Variants in SWAP70 observed in about 807,000 individuals in gnomAD.
The protein encoded by SWAP70 is switch-associated protein 70.
Under a neutral mutation model 80.2 loss-of-function variants are expected in SWAP70, and 34 were observed. That is an observed-to-expected ratio of 0.42 (90% confidence interval 0.32 to 0.56). SWAP70 has a LOEUF of 0.56. SWAP70 is among the 20% of genes least tolerant of loss of function. The pLI, the probability that SWAP70 is intolerant of heterozygous loss-of-function variation, is 0.09. For synonymous variants in SWAP70, 239 were observed against 238.5 expected (o/e 1.00, Z -0.02); for missense variants, 578 against 690.7 (o/e 0.84, Z 1.83).
chr11:9,700,900 G>A (rs953862261), intron 2 of SWAP70, among the ~76,000 whole-genome samples: 39 of 151,862 alleles, frequency 2.6e-4, no homozygotes, highest in African/African-American at 7.7e-4. Context: ...ATTAGTGTAT[G>A]GTGTTCCTTA....
At chr11:9,690,692 G>A (rs190439083) in intron 1 of SWAP70, among the ~76,000 whole-genome samples, 292 of 152,030 alleles carry the variant, frequency 1.9e-3, no homozygotes, top group Non-Finnish European at 3.6e-3. Context: ...TTTGAGACCC[G>A]CCTGGGCACA....
At chr11:9,725,548 TA>T (rs1851202904) in intron 4 of SWAP70, among the ~76,000 whole-genome samples, 2 of 9,816 alleles carry the variant, frequency 2.0e-4, no homozygotes, top group African/African-American at 6.2e-4. Flanking sequence ...TATATATATA[TA>T]TATATATATA....
At chr11:9,740,121 G>C in intron 8 of SWAP70, 60 bp from the exon 9 acceptor site, 1 of 1,537,816 alleles carries the variant, frequency 6.5e-7, no homozygotes, top group South Asian at 1.2e-5. Flanking sequence ...AGGTGGAGGT[G>C]AGGCTTTCCC....
intron 1 of SWAP70, among the ~76,000 whole-genome samples, chr11:9,683,961 G>C (rs1266533282): frequency 6.6e-6 from 1 of 151,948 alleles, no homozygotes; most frequent in Non-Finnish European, 1.5e-5. Context: ...TGAGAAGGTG[G>C]GGCAGCCGAG....
At chr11:9,728,805 G>A (rs1371763974) in intron 5 of SWAP70, among the ~76,000 whole-genome samples, 2 of 152,256 alleles carry the variant, frequency 1.3e-5, no homozygotes, top group South Asian at 2.1e-4. Context: ...GAATAATAAT[G>A]TCTTGAGATG....
At chr11:9,707,481 A>G (rs11042480) in intron 2 of SWAP70, among the ~76,000 whole-genome samples, 49,870 of 150,948 alleles carry the variant, frequency 0.33, 8,463 homozygotes, top group Non-Finnish European at 0.36. Context: ...ATTGTCACCT[A>G]TGAGAGCATT....
chr11:9,743,740 T>C (rs1370364979), intron 9 of SWAP70, among the ~76,000 whole-genome samples: 1 of 152,110 alleles, frequency 6.6e-6, no homozygotes, highest in Non-Finnish European at 1.5e-5. Context: ...CACTTTTTGA[T>C]GGGGTTGTTT....
chr11:9,726,091 C>T (rs2645008), intron 4 of SWAP70, among the ~76,000 whole-genome samples: 49,721 of 151,768 alleles, frequency 0.33, 8,360 homozygotes, highest in Non-Finnish European at 0.35. Context: ...TTTTTTTCTT[C>T]TTTATTCCTT....
chr11:9,733,877 A>G (rs1179502228), intron 7 of SWAP70, among the ~76,000 whole-genome samples: 1 of 152,224 alleles, frequency 6.6e-6, no homozygotes, highest in East Asian at 1.9e-4. Flanking sequence ...AGAGGAGAAT[A>G]TGAAATATGT....
chr11:9,668,695 A>G (rs1850338095), intron 1 of SWAP70, among the ~76,000 whole-genome samples: 1 of 152,200 alleles, frequency 6.6e-6, no homozygotes. Context: ...GAAATGTCAA[A>G]TAATTGATTT....
intron 3 of SWAP70, among the ~76,000 whole-genome samples, chr11:9,716,631 TAA>T (rs1333861840): frequency 6.6e-6 from 1 of 152,198 alleles, no homozygotes; most frequent in Non-Finnish European, 1.5e-5. Flanking sequence ...AGCTGCTCAC[TAA>T]AAGGGGTGTG....
chr11:9,733,256 G>A (rs553481590), intron 7 of SWAP70, among the ~76,000 whole-genome samples: 3 of 152,262 alleles, frequency 2.0e-5, no homozygotes, highest in Admixed American at 6.5e-5. Context: ...CGGTTATGTC[G>A]TGATCCCAGG....
At chr11:9,680,412 C>T (rs1202955634) in intron 1 of SWAP70, among the ~76,000 whole-genome samples, 1 of 151,956 alleles carries the variant, frequency 6.6e-6, no homozygotes, top group Non-Finnish European at 1.5e-5. Flanking sequence ...TAACATATCT[C>T]GTTATTTATT....
At chr11:9,681,923 A>G (rs1850572739) in intron 1 of SWAP70, among the ~76,000 whole-genome samples, 1 of 152,220 alleles carries the variant, frequency 6.6e-6, no homozygotes, top group South Asian at 2.1e-4. Context: ...GTGTTGAGAG[A>G]GAGAGGAGTT....
chr11:9,740,271 CTAAAG>C lies in SWAP70; in HGVS notation c.1280_1284del (p.Leu427ProfsTer6). Reference sequence around the variant, plus strand: ...AGTACGGGAGCTGGAAGACATGTACCTAAAGCTGCAGGAGGCTCTTGAAGATGAGA... The same window carrying C: ...AGTACGGGAGCTGGAAGACATGTACCCTGCAGGAGGCTCTTGAAGATGAGA... On this transcript the variant is annotated frameshift_variant, in exon 9 of 12. Transcript: ENST00000318950. LOFTEE classifies it high-confidence loss of function. The C allele has an allele frequency of 3.1e-6, 5 of 1,614,178 alleles. No individual in the cohort carries two copies. Among genetic ancestry groups the C allele is most frequent in the Non-Finnish European group, 4.2e-6 (5 of 1,180,010 alleles).
rs752582469 is a variant in SWAP70 at position 9,671,418 on chromosome 11, A to T, written c.99+7140A>T. On this transcript the variant is annotated intron_variant, in intron 1 of 11. Transcript: ENST00000318950. ...TATATAAATATATAAAAATATATTT[A>T]TAAATATATATATAAATATATAAAA... is the stretch of plus-strand genomic sequence containing the variant. Among the ~76,000 whole-genome samples, 285 of 96,580 alleles carry T rather than the reference A, an allele frequency of 3.0e-3. No homozygotes were observed. In the Middle Eastern group the frequency reaches 0.045, roughly 15 times the overall value. The allele number at this position is 96,580 out of a possible 152,430, so 63.4% of individuals were successfully genotyped here.
At position 9,751,818 on chromosome 11, in the gene SWAP70, G is replaced by A. The variant is rs765871737; in HGVS notation, c.*1848G>A. ...TGTTTAATAAAAATGTAACTTTAACGGTTTCTTATAGTTGCCTTTATAAAG... is the reference window on the plus strand; with the variant it reads ...TGTTTAATAAAAATGTAACTTTAACAGTTTCTTATAGTTGCCTTTATAAAG... On this transcript the variant is annotated 3_prime_UTR_variant, in exon 12 of 12. Transcript: ENST00000318950. 2.0e-5 allele frequency: 3 copies of A among 151,858 alleles called. No homozygotes were observed. The allele number at this position is 151,858 out of a possible 1,614,324, so 9.4% of individuals were successfully genotyped here. A position where few individuals can be genotyped will look rare whatever the true frequency, so the allele number is the denominator to read the frequency against.
intron 5 of SWAP70, among the ~76,000 whole-genome samples, chr11:9,728,711 T>C (rs1391162921): frequency 2.0e-5 from 3 of 152,230 alleles, no homozygotes; most frequent in African/African-American, 7.2e-5. Flanking sequence ...TTTTAATTTT[T>C]ATATGAACTG....
chr11:9,684,909 A>G (rs1373941726), intron 1 of SWAP70, among the ~76,000 whole-genome samples: 1 of 152,242 alleles, frequency 6.6e-6, no homozygotes, highest in African/African-American at 2.4e-5. Context: ...GATGGCTAAA[A>G]TACGTATTGC....
Sources: allele counts gnomAD v4.1 joint callset (sites outside exome capture counted in the v4.1 genomes callset), GRCh38; gene constraint gnomAD v4.1.1; transcripts MANE v1.5; gene names NCBI Gene and HGNC (gene_info 2026-07-23, HGNC 2026-07-21).